The following MGAT4A variants were observed in gnomAD, a reference collection of about 807,000 sequenced individuals.
MGAT4A encodes the protein N-acetylglucosaminyltransferase IVa.
Under a neutral mutation model 74.1 loss-of-function variants are expected in MGAT4A, and 33 were observed. That is an observed-to-expected ratio of 0.45 (90% CI 0.34 to 0.60). MGAT4A has a LOEUF of 0.60. MGAT4A is among the 20% of genes least tolerant of loss of function. The probability of loss-of-function intolerance (pLI) is 0.02; values close to 1 mark genes in which losing one functional copy is unlikely to be tolerated. For synonymous variants in MGAT4A, 198 were observed against 210.4 expected (o/e 0.94, Z 0.51); for missense variants, 479 against 628.3 (o/e 0.76, Z 2.54).
intron 2 of MGAT4A, among the ~76,000 whole-genome samples, chr2:98,720,275 G>A (rs1214129996): frequency 2.0e-5 from 3 of 152,236 alleles, no homozygotes; most frequent in Non-Finnish European, 2.9e-5. Context: ...ATTTGAATCT[G>A]TAGACTGAGG....
intron 2 of MGAT4A, among the ~76,000 whole-genome samples, chr2:98,688,826 C>G (rs1391295026): frequency 6.6e-6 from 1 of 152,082 alleles, no homozygotes; most frequent in Non-Finnish European, 1.5e-5. Flanking sequence ...AGTTTCCTAG[C>G]CCACAGAAAA....
At chr2:98,709,680 T>C (rs932732576) in intron 2 of MGAT4A, among the ~76,000 whole-genome samples, 3 of 152,164 alleles carry the variant, frequency 2.0e-5, no homozygotes, top group African/African-American at 7.2e-5. Context: ...ACAGGATTTG[T>C]GAAGAATGTT....
chr2:98,715,945 A>C (rs1419640610), intron 2 of MGAT4A, among the ~76,000 whole-genome samples: 1 of 152,206 alleles, frequency 6.6e-6, no homozygotes, highest in African/African-American at 2.4e-5. Context: ...GTCAGACACC[A>C]CTTCAACCAA....
chr2:98,690,710 T>A (rs566270150), intron 2 of MGAT4A, among the ~76,000 whole-genome samples: 2 of 152,282 alleles, frequency 1.3e-5, no homozygotes, highest in South Asian at 2.1e-4. Context: ...AATTACCTTG[T>A]AAGGATTTTA....
intron 14 of MGAT4A, among the ~76,000 whole-genome samples, chr2:98,627,599 C>A (rs1414159615): frequency 6.6e-6 from 1 of 152,162 alleles, no homozygotes; most frequent in Non-Finnish European, 1.5e-5. Context: ...TGGTCTTGGA[C>A]CTCTGACCTC....
rs146776233 is a variant in MGAT4A, at chr2:98,648,797, G to A, written c.775-3255C>T. ...TGTAACACCTGCTCTTTGAAAGGCA[G>A]AGGCAGCAGGATCATTTGAGGCCGG... On this transcript the variant is annotated intron_variant, in intron 8 of 15. Coordinates refer to ENST00000393487, the MANE Select transcript of MGAT4A (RefSeq NM_012214.3). Among the ~76,000 whole-genome samples the A allele has an allele frequency of 5.6e-3, 850 of 151,440 alleles. 11 individuals are homozygous for A. The highest frequency in any genetic ancestry group is 0.019 in the African/African-American group (796 of 41,262).
In MGAT4A at chr2:98,624,401, G is replaced by C; in HGVS notation, c.*1165C>G. 2 of 950,854 alleles carry C rather than the reference G, an allele frequency of 2.1e-6. No individual in the cohort carries two copies. The highest frequency in any genetic ancestry group is 2.5e-6 in the Non-Finnish European group (2 of 798,566). The allele number at this position is 950,854 out of a possible 1,614,324, so 58.9% of individuals were successfully genotyped here. A position where few individuals can be genotyped will look rare whatever the true frequency, so the allele number is the denominator to read the frequency against. On this transcript the variant is annotated 3_prime_UTR_variant, in exon 16 of 16. Coordinates refer to ENST00000393487, the MANE Select transcript of MGAT4A (RefSeq NM_012214.3). ...TTTGTTTATAGTAGTAATATCATTT[G>C]GAATAGCGTGTTTAAGAGTAATAAA... is the stretch of plus-strand genomic sequence containing the variant.
intron 4 of MGAT4A, among the ~76,000 whole-genome samples, chr2:98,663,690 A>C (rs1185621357): frequency 6.6e-6 from 1 of 152,224 alleles, no homozygotes; most frequent in Non-Finnish European, 1.5e-5. Context: ...GTCATGAAAG[A>C]CAGAGTAATG....
At chr2:98,645,108 G>GT (rs1701466029) in intron 9 of MGAT4A, among the ~76,000 whole-genome samples, 1 of 152,174 alleles carries the variant, frequency 6.6e-6, no homozygotes, top group African/African-American at 2.4e-5. Context: ...TTGTGGTATT[G>GT]TTTTTAAAAG....
chr2:98,704,479 T>A (rs754182511), intron 2 of MGAT4A, among the ~76,000 whole-genome samples: 1 of 152,092 alleles, frequency 6.6e-6, no homozygotes, highest in Admixed American at 6.6e-5. Context: ...TGCGGTGGCA[T>A]GCTCTGTGGT....
chr2:98,624,960 G>C lies in MGAT4A; in HGVS notation c.*606C>G. 1 of 985,088 alleles carries C rather than the reference G, an allele frequency of 1.0e-6. No homozygotes were observed. Among genetic ancestry groups the C allele is most frequent in the East Asian group, 1.1e-4 (1 of 8,804 alleles). The allele number at this position is 985,088 out of a possible 1,614,324, so 61.0% of individuals were successfully genotyped here. ...ATCCATCTATAATCAATCTTAAATG[G>C]CAGTGCATTTGAAAAATGGCATTGG... On this transcript the variant is annotated 3_prime_UTR_variant, in exon 16 of 16. Coordinates refer to ENST00000393487, the MANE Select transcript of MGAT4A (RefSeq NM_012214.3).
intron 2 of MGAT4A, 50 bp from the exon 3 acceptor site, chr2:98,678,521 C>A: frequency 8.2e-7 from 1 of 1,223,458 alleles, no homozygotes. Context: ...AACAAATAAA[C>A]AATATAATCT....
rs555372864 is a variant in MGAT4A at position 98,693,032 on chromosome 2, C to G, written c.95-14561G>C. 1.2e-4 allele frequency among the ~76,000 whole-genome samples: 18 copies of G among 152,202 alleles called. No individual in the cohort carries two copies. The South Asian group carries it at 3.7e-3, about 32-fold the overall frequency. On this transcript the variant is annotated intron_variant, in intron 2 of 15. Coordinates refer to ENST00000393487, the MANE Select transcript of MGAT4A (RefSeq NM_012214.3). ...CAATTGAACGTTAGAAAACTAGAGA[C>G]AAAGAAGAAATCTTGAAATCAACCA...
In MGAT4A at chr2:98,624,922, CTTCAA is replaced by C. The variant is rs1159306688; in HGVS notation, c.*639_*643del. 5.1e-6 allele frequency: 5 copies of C among 984,400 alleles called. No individual in the cohort carries two copies. The highest frequency in any genetic ancestry group is 6.0e-6 in the Non-Finnish European group (5 of 828,824). 61.0% of individuals were successfully genotyped at this position (984,400 alleles called of 1,614,324 possible). On this transcript the variant is annotated 3_prime_UTR_variant, in exon 16 of 16. Transcript: ENST00000393487. ...TTCAGTCACTGTGATTATAAAAGTA[CTTCAA>C]TTAAGAAATCCATCTATAATCAATC...
At chr2:98,710,804 T>C (rs1252594272) in intron 2 of MGAT4A, among the ~76,000 whole-genome samples, 1 of 152,164 alleles carries the variant, frequency 6.6e-6, no homozygotes, top group East Asian at 1.9e-4. Context: ...GTCAATACAT[T>C]TGTTATTTCC....
At chr2:98,668,014 G>C (rs1003805719) in intron 4 of MGAT4A, among the ~76,000 whole-genome samples, 1 of 152,132 alleles carries the variant, frequency 6.6e-6, no homozygotes, top group African/African-American at 2.4e-5. Flanking sequence ...CACAGCGCCC[G>C]GCCAGCATTC....
rs1382622176 is a variant in MGAT4A at position 98,621,521 on chromosome 2, C to G, written c.*4045G>C. The stretch of plus-strand genomic sequence containing the variant: ...AAACTCTCTGCTTTTAAAGGAGTCA[C>G]AAGATTTGATTAGCCACCCCCAGAC... On this transcript the variant is annotated 3_prime_UTR_variant, in exon 16 of 16. Transcript: ENST00000393487. 1 of 1,551,642 alleles carries G rather than the reference C, an allele frequency of 6.4e-7. No homozygotes were observed. Among genetic ancestry groups the G allele is most frequent in the East Asian group, 2.4e-5 (1 of 40,922 alleles).
At chr2:98,626,614 T>C (rs1225902195) in intron 14 of MGAT4A, among the ~76,000 whole-genome samples, 1 of 152,146 alleles carries the variant, frequency 6.6e-6, no homozygotes. Context: ...CTATGTAGGG[T>C]AATATATACA....
intron 2 of MGAT4A, among the ~76,000 whole-genome samples, chr2:98,696,253 C>T (rs1702273922): frequency 6.6e-6 from 1 of 152,182 alleles, no homozygotes; most frequent in Non-Finnish European, 1.5e-5. Context: ...TTTCTATGCT[C>T]TTAATATATT....
Sources: gnomAD v4.1 joint callset for allele counts (sites outside exome capture counted in the v4.1 genomes callset) on GRCh38, gnomAD v4.1.1 for gene constraint, MANE v1.5 for transcripts, NCBI Gene and HGNC (gene_info 2026-07-23, HGNC 2026-07-21) for gene names.